CLPB: variants seen among roughly 807,000 people sequenced by gnomAD.
CLPB encodes ClpB family mitochondrial disaggregase.
Under a neutral mutation model 78.4 loss-of-function variants are expected in CLPB, and 40 were observed. The observed-to-expected ratio is 0.51, with a 90% CI of 0.40 to 0.66. CLPB has a LOEUF of 0.66. CLPB is among the 30% of genes least tolerant of loss of function. CLPB has a pLI of 0.00. For missense variants in CLPB, 780 were observed against 886.9 expected, an observed-to-expected ratio of 0.88 and a Z score of 1.53; for synonymous variants, 333 against 348.0, an observed-to-expected ratio of 0.96 and a Z score of 0.48.
intron 2 of CLPB, among the ~76,000 whole-genome samples, chr11:72,420,885 C>T (rs1275616448): frequency 7.9e-5 from 12 of 152,218 alleles, no homozygotes; most frequent in Non-Finnish European, 1.5e-4. Context: ...CCCAGCAGAA[C>T]GCAGTGGCTC....
intron 2 of CLPB, among the ~76,000 whole-genome samples, chr11:72,424,369 A>G (rs1856302527): frequency 6.6e-6 from 1 of 152,030 alleles, no homozygotes; most frequent in Non-Finnish European, 1.5e-5. Flanking sequence ...CTCACCCATT[A>G]TTTTCCTGTA....
Position 72,408,201 on chromosome 11 carries a change from G to A in CLPB, c.456-5149C>T, listed in dbSNP as rs577205558. 3 of 1,534,856 alleles carry A rather than the reference G, an allele frequency of 2.0e-6. No homozygotes were observed. The African/African-American group carries it at 4.1e-5, about 21-fold the overall frequency. On this transcript the variant is annotated intron_variant, in intron 2 of 15. Transcript: ENST00000538039. ...TGAGCATCATTCTTTGCAGTCTCTT[G>A]GGGCTGAGGTATAATGGAAAAAAAG...
At chr11:72,385,141 T>C (rs917871095) in intron 3 of CLPB, among the ~76,000 whole-genome samples, 2 of 152,228 alleles carry the variant, frequency 1.3e-5, no homozygotes, top group Non-Finnish European at 2.9e-5. Flanking sequence ...CTTACATGCA[T>C]CTCCTTAGTC....
At chr11:72,365,118 G>A (rs1565463891) in intron 4 of CLPB, among the ~76,000 whole-genome samples, 2 of 152,240 alleles carry the variant, frequency 1.3e-5, no homozygotes, top group South Asian at 4.1e-4. Flanking sequence ...TTGGGAGTTC[G>A]AGACCAGCCT....
chr11:72,363,585 A>G (rs2135629891), intron 4 of CLPB: 1 of 152,356 alleles, frequency 6.6e-6, no homozygotes, highest in South Asian at 2.1e-4. Context: ...AAGTGTAGGG[A>G]GCACTTCAAG....
At chr11:72,401,397 G>A (rs569185451) in intron 3 of CLPB, among the ~76,000 whole-genome samples, 10 of 152,124 alleles carry the variant, frequency 6.6e-5, no homozygotes, top group South Asian at 6.2e-4. Context: ...ATCCAAGATC[G>A]CGCCACTGCA....
chr11:72,322,721 T>G (rs775687201), intron 6 of CLPB, among the ~76,000 whole-genome samples: 2 of 152,198 alleles, frequency 1.3e-5, no homozygotes, highest in Non-Finnish European at 2.9e-5. Context: ...CTTCGATCAC[T>G]AGGTTAAGGT....
At chr11:72,391,503 C>T (rs1855254518) in intron 3 of CLPB, among the ~76,000 whole-genome samples, 1 of 152,094 alleles carries the variant, frequency 6.6e-6, no homozygotes, top group African/African-American at 2.4e-5. Flanking sequence ...CTGCCCAGTG[C>T]CTGGATCACA....
At position 72,433,244 on chromosome 11, in the gene CLPB, G is replaced by A. The variant is rs77841787; in HGVS notation, c.403+828C>T. On this transcript the variant is annotated intron_variant, in intron 1 of 15. Coordinates refer to ENST00000538039, the MANE Select transcript of CLPB (RefSeq NM_001258392.3). ...AAATAACAGTACTGTAAAAATGTTG[G>A]GAAACTATCCTTCACTATATAAATA... is the stretch of plus-strand genomic sequence containing the variant. Among the ~76,000 whole-genome samples, 140 of 152,256 alleles carry A rather than the reference G, an allele frequency of 9.2e-4. 1 individual carries two copies. The highest frequency in any genetic ancestry group is 3.2e-3 in the African/African-American group (134 of 41,548).
chr11:72,393,255 G>A (rs1233825905), intron 3 of CLPB, among the ~76,000 whole-genome samples: 3 of 152,164 alleles, frequency 2.0e-5, no homozygotes, highest in Admixed American at 2.0e-4. Flanking sequence ...GGCCCTAGAT[G>A]TTAGGACTTA....
chr11:72,299,798 T>C (rs1279339474), intron 11 of CLPB, among the ~76,000 whole-genome samples: 1 of 152,068 alleles, frequency 6.6e-6, no homozygotes, highest in Non-Finnish European at 1.5e-5. Context: ...GAAACTATAG[T>C]AGGCTGGGGC....
At chr11:72,298,690 G>A (rs1949602655) in intron 11 of CLPB, among the ~76,000 whole-genome samples, 1 of 152,188 alleles carries the variant, frequency 6.6e-6, no homozygotes, top group South Asian at 2.1e-4. Context: ...TAGAGACAAG[G>A]TTTTGCCATG....
intron 11 of CLPB, among the ~76,000 whole-genome samples, chr11:72,299,692 GA>G (rs1244303518): frequency 6.6e-6 from 1 of 152,186 alleles, no homozygotes; most frequent in African/African-American, 2.4e-5. Flanking sequence ...TGGGCTCTGG[GA>G]ATGGTTCAAG....
At chr11:72,407,459 G>T (rs190852560) in intron 2 of CLPB, among the ~76,000 whole-genome samples, 70 of 152,190 alleles carry the variant, frequency 4.6e-4, no homozygotes, top group Non-Finnish European at 7.9e-4. Flanking sequence ...TTGCATTTCG[G>T]GATTTTCTCT....
At position 72,287,373 on chromosome 11, in the gene CLPB, C is replaced by T. The variant is rs1456304223; in HGVS notation, c.*5994G>A. 6.6e-6 allele frequency: 1 copy of T among 152,202 alleles called. No individual in the cohort carries two copies. Among genetic ancestry groups the T allele is most frequent in the Non-Finnish European group, 1.5e-5 (1 of 68,050 alleles). The allele number at this position is 152,202 out of a possible 1,614,324, so 9.4% of individuals were successfully genotyped here. On this transcript the variant is annotated 3_prime_UTR_variant, in exon 16 of 16. Coordinates refer to ENST00000538039, the MANE Select transcript of CLPB (RefSeq NM_001258392.3). ...TCACCCAGGCTGGAGTGCAGCAGCA[C>T]AGTCTTGGCTCACTGCAACCTCTGC...
chr11:72,369,623 A>G (rs1431990763), intron 4 of CLPB, among the ~76,000 whole-genome samples: 1 of 152,216 alleles, frequency 6.6e-6, no homozygotes, highest in Non-Finnish European at 1.5e-5. Flanking sequence ...AAAACTCGCA[A>G]TAAAAAACAA....
intron 7 of CLPB, among the ~76,000 whole-genome samples, chr11:72,313,881 G>A (rs867235100): frequency 3.3e-5 from 5 of 152,200 alleles, no homozygotes; most frequent in South Asian, 2.1e-4. Context: ...AGCAGACAAC[G>A]TGGAAGGGCA....
intron 5 of CLPB, among the ~76,000 whole-genome samples, chr11:72,345,719 G>A (rs182618200): frequency 7.9e-5 from 12 of 152,118 alleles, no homozygotes; most frequent in Admixed American, 7.9e-4. Flanking sequence ...TCCTAAAACT[G>A]AGAGCAAATT....
At chr11:72,419,974 T>G (rs1856144065) in intron 2 of CLPB, among the ~76,000 whole-genome samples, 1 of 152,256 alleles carries the variant, frequency 6.6e-6, no homozygotes, top group Non-Finnish European at 1.5e-5. Context: ...ATTGAACTAC[T>G]TCATTTTTGT....
Sources: gnomAD v4.1 joint callset for allele counts (sites outside exome capture counted in the v4.1 genomes callset) on GRCh38, gnomAD v4.1.1 for gene constraint, MANE v1.5 for transcripts, NCBI Gene and HGNC (gene_info 2026-07-23, HGNC 2026-07-21) for gene names.